Variants in SCHIP1 observed in about 807,000 individuals in gnomAD.
SCHIP1 encodes the protein schwannomin-interacting protein 1.
A neutral mutation model predicts 29.7 loss-of-function variants in SCHIP1; 8 were observed. The observed-to-expected ratio is 0.27, with a 90% confidence interval of 0.16 to 0.49. The LOEUF is 0.49. SCHIP1 is among the 20% of genes least tolerant of loss of function. SCHIP1 has a pLI of 0.99. For synonymous variants in SCHIP1, 76 were observed against 94.9 expected (o/e 0.80, Z 1.16); for missense variants, 193 against 294.6 (o/e 0.66, Z 2.52).
At chr3:159,665,463 C>T in the SCHIP1 span, among the ~76,000 whole-genome samples, 147 of 152,218 alleles carry the variant, frequency 9.7e-4, 2 homozygotes, top group Middle Eastern at 3.4e-3. Context: ...AGCACTCAGA[C>T]GAGCCCCTGT....
chr3:159,651,197 G>A, the SCHIP1 span, among the ~76,000 whole-genome samples: 1 of 152,090 alleles, frequency 6.6e-6, no homozygotes, highest in African/African-American at 2.4e-5. Context: ...TAAATATCTA[G>A]CATCAGTTAT....
At chr3:159,298,494 G>T in the SCHIP1 span, among the ~76,000 whole-genome samples, 1 of 152,154 alleles carries the variant, frequency 6.6e-6, no homozygotes, top group African/African-American at 2.4e-5. Context: ...AACTTGTATT[G>T]CTGATTTCTT....
the SCHIP1 span, among the ~76,000 whole-genome samples, chr3:159,377,403 A>T: frequency 1.3e-5 from 2 of 152,150 alleles, no homozygotes; most frequent in Non-Finnish European, 2.9e-5. Context: ...GGAGGACTGG[A>T]TCTACTTTTC....
chr3:159,361,791 G>A, the SCHIP1 span, among the ~76,000 whole-genome samples: 2 of 152,266 alleles, frequency 1.3e-5, no homozygotes, highest in East Asian at 3.9e-4. Flanking sequence ...TTGGGTGTGG[G>A]TTGTGATTTA....
chr3:159,329,862 C>G, the SCHIP1 span, among the ~76,000 whole-genome samples: 3 of 149,620 alleles, frequency 2.0e-5, no homozygotes, highest in Non-Finnish European at 4.4e-5. Context: ...GGCACAGCAC[C>G]GTTAGTATTT....
chr3:159,495,452 A>C, the SCHIP1 span, among the ~76,000 whole-genome samples: 8 of 152,220 alleles, frequency 5.3e-5, no homozygotes, highest in Non-Finnish European at 2.9e-5. Context: ...AAGCATTCTT[A>C]TACACCAATC....
At chr3:159,569,581 G>A in the SCHIP1 span, among the ~76,000 whole-genome samples, 1 of 152,062 alleles carries the variant, frequency 6.6e-6, no homozygotes, top group African/African-American at 2.4e-5. Flanking sequence ...ATGGACATTT[G>A]GGTTCGTTCC....
chr3:159,669,080 T>C, the SCHIP1 span, among the ~76,000 whole-genome samples: 315 of 152,294 alleles, frequency 2.1e-3, no homozygotes, highest in African/African-American at 7.4e-3. Flanking sequence ...GAGCAAGCCA[T>C]GCCCGAACTC....
the SCHIP1 span, among the ~76,000 whole-genome samples, chr3:159,564,774 C>T: frequency 1.3e-5 from 2 of 152,152 alleles, no homozygotes; most frequent in Non-Finnish European, 2.9e-5. Flanking sequence ...TAAGATTAAT[C>T]CATTGTTGTT....
At chr3:159,273,547 A>G in the SCHIP1 span, 2 of 1,229,470 alleles carry the variant, frequency 1.6e-6, no homozygotes, top group Non-Finnish European at 2.0e-6. Context: ...AATTTGAAGA[A>G]CACTGGCAAA....
chr3:159,783,400 T>G, the SCHIP1 span, among the ~76,000 whole-genome samples: 1 of 152,208 alleles, frequency 6.6e-6, no homozygotes, highest in East Asian at 1.9e-4. Flanking sequence ...TTGGAAAGTT[T>G]CATGGAAACT....
chr3:159,766,348 G>T, the SCHIP1 span, among the ~76,000 whole-genome samples: 8 of 152,174 alleles, frequency 5.3e-5, no homozygotes, highest in African/African-American at 1.9e-4. Context: ...GGCTGACAGA[G>T]CCTGCTGGTT....
At chr3:159,407,583 A>G in the SCHIP1 span, among the ~76,000 whole-genome samples, 1 of 152,220 alleles carries the variant, frequency 6.6e-6, no homozygotes, top group Non-Finnish European at 1.5e-5. Flanking sequence ...CAAAATACAC[A>G]TTGTTCTCCT....
At chr3:159,291,491 C>T in the SCHIP1 span, among the ~76,000 whole-genome samples, 1 of 152,068 alleles carries the variant, frequency 6.6e-6, no homozygotes, top group African/African-American at 2.4e-5. Flanking sequence ...TAGAAAATCA[C>T]AATTTTGCAA....
chr3:159,574,439 G>T, the SCHIP1 span, among the ~76,000 whole-genome samples: 2 of 152,170 alleles, frequency 1.3e-5, no homozygotes, highest in Non-Finnish European at 2.9e-5. Flanking sequence ...ACCAGCAGAG[G>T]CTTCAGAACA....
chr3:159,346,714 C>T, the SCHIP1 span, among the ~76,000 whole-genome samples: 13 of 152,156 alleles, frequency 8.5e-5, no homozygotes, highest in Middle Eastern at 3.4e-3. Flanking sequence ...GAGGGAAATA[C>T]GTGTGTGTGG....
the SCHIP1 span, among the ~76,000 whole-genome samples, chr3:159,743,959 T>A: frequency 1.3e-5 from 2 of 152,212 alleles, no homozygotes; most frequent in Admixed American, 1.3e-4. Flanking sequence ...TAACTCACAG[T>A]CTCAAAAGAA....
the SCHIP1 span, among the ~76,000 whole-genome samples, chr3:159,558,345 T>C: frequency 1.3e-5 from 2 of 152,188 alleles, no homozygotes; most frequent in African/African-American, 4.8e-5. Context: ...TGGCAATAGA[T>C]AAGATATTCT....
the SCHIP1 span, among the ~76,000 whole-genome samples, chr3:159,366,378 C>T: frequency 6.6e-6 from 1 of 152,100 alleles, no homozygotes; most frequent in Non-Finnish European, 1.5e-5. Flanking sequence ...TGGGCAGAGA[C>T]AAATATTCAA....
Sources: gnomAD v4.1 joint callset for allele counts (sites outside exome capture counted in the v4.1 genomes callset) on GRCh38, gnomAD v4.1.1 for gene constraint, MANE v1.5 for transcripts, NCBI Gene and HGNC (gene_info 2026-07-23, HGNC 2026-07-21) for gene names.